CLEC12A: variants seen among roughly 807,000 people sequenced by gnomAD.
CLEC12A encodes the protein C-type lectin protein CLL-1.
In CLEC12A, 22 loss-of-function variants were observed where a neutral mutation model predicts 26.5. The observed-to-expected ratio is 0.83, with a 90% CI of 0.59 to 1.19. The LOEUF (loss-of-function observed/expected upper bound fraction) is 1.19, where lower values mean the gene tolerates loss of function less well. Among genes scored for constraint, CLEC12A ranks in the 50% most tolerant of loss-of-function variants. The pLI is 0.00. For missense variants in CLEC12A, 353 were observed against 315.6 expected, an observed-to-expected ratio of 1.12 and a Z score of -0.90; for synonymous variants, 119 against 101.9, an observed-to-expected ratio of 1.17 and a Z score of -1.01.
At chr12:9,992,301 T>C (rs981386969) in intron 4 of CLEC12A, 1 of 152,152 alleles carries the variant, frequency 6.6e-6, no homozygotes, top group African/African-American at 2.4e-5. Flanking sequence ...GTGAGTTTTC[T>C]TGCAAACTTT....
At chr12:9,995,507 A>G (rs1865021665) in exon 5 of CLEC12A, 3 of 400,186 alleles carry the variant, frequency 7.5e-6, no homozygotes, top group East Asian at 5.8e-5. Flanking sequence ...ATGTATTTAG[A>G]TCTTCAACCA....
intron 1 of CLEC12A, among the ~76,000 whole-genome samples, chr12:9,956,022 T>C (rs1450722201): frequency 6.6e-6 from 1 of 152,206 alleles, no homozygotes; most frequent in African/African-American, 2.4e-5. Flanking sequence ...ATAGTTTCAT[T>C]TCAGGTTCCT....
At chr12:9,954,560 G>A (rs1863711695) in intron 1 of CLEC12A, among the ~76,000 whole-genome samples, 1 of 152,078 alleles carries the variant, frequency 6.6e-6, no homozygotes, top group Non-Finnish European at 1.5e-5. Context: ...ACCTTTATTG[G>A]ATTACCTATC....
Position 9,953,656 on chromosome 12 carries a change from C to T in CLEC12A, c.10+2300C>T, listed in dbSNP as rs1461876508. On this transcript the variant is annotated intron_variant, in intron 1 of 6. Coordinates refer to the CLEC12A transcript ENST00000355690. Reference sequence around the variant, plus strand: ...GAGGGGCGCCTCTGCCCGGCCGCCCCTACTGGGAAGTGAGGAGCCCCTCTG... The same window carrying T: ...GAGGGGCGCCTCTGCCCGGCCGCCCTTACTGGGAAGTGAGGAGCCCCTCTG... Among the ~76,000 whole-genome samples, 6 of 151,622 alleles carry T rather than the reference C, an allele frequency of 4.0e-5. No homozygotes were observed. In the East Asian group the frequency reaches 9.8e-4, roughly 25 times the overall value.
At chr12:9,993,150 A>G (rs375345439) in intron 4 of CLEC12A, 10 of 1,609,490 alleles carry the variant, frequency 6.2e-6, no homozygotes, top group African/African-American at 1.3e-5. Context: ...GCATTAAGGT[A>G]GTTGGTCCAC....
At chr12:9,986,039 G>C (rs1172756978), downstream of CLEC12A, 1 of 373,532 alleles carries the variant, frequency 2.7e-6, no homozygotes, top group Non-Finnish European at 5.6e-6. Flanking sequence ...AGAGGGAAGG[G>C]GGCTTGTATA....
chr12:9,996,606 G>A (rs111731308), downstream of CLEC12A: 5 of 487,320 alleles, frequency 1.0e-5, no homozygotes, highest in Non-Finnish European at 1.8e-5. Context: ...GACCCACTAT[G>A]TACCTGAGCT....
chr12:9,971,432 G>A lies in CLEC12A; in HGVS notation c.-165G>A. 1 of 1,294,092 alleles carries A rather than the reference G, an allele frequency of 7.7e-7. No homozygotes were observed. The highest frequency in any genetic ancestry group is 9.8e-7 in the Non-Finnish European group (1 of 1,020,116). 80.2% of individuals were successfully genotyped at this position (1,294,092 alleles called of 1,614,324 possible). A position where few individuals can be genotyped will look rare whatever the true frequency, so the allele number is the denominator to read the frequency against. On this transcript the variant is annotated 5_prime_UTR_variant, in exon 1 of 6. Coordinates refer to ENST00000304361, the MANE Select transcript of CLEC12A (RefSeq NM_138337.6). ...TTGGCTCATTTGCAGACATATGGGT[G>A]ATTGGTACAGTAGGTTTATAAACAG...
chr12:9,986,060 C>T, downstream of CLEC12A: 1 of 445,622 alleles, frequency 2.2e-6, no homozygotes. Flanking sequence ...GTTTGTGCAG[C>T]AGAGCATTCT....
At chr12:9,994,378 T>C (rs142189213) in intron 4 of CLEC12A, among the ~76,000 whole-genome samples, 1 of 152,306 alleles carries the variant, frequency 6.6e-6, no homozygotes. Flanking sequence ...CCTAAGATCC[T>C]ATCTATAGTA....
exon 5 of CLEC12A, chr12:9,995,445 T>C (rs1865018813): frequency 1.9e-6 from 1 of 535,972 alleles, no homozygotes; most frequent in South Asian, 1.8e-5. Flanking sequence ...AGGACACAGG[T>C]AAAATTGTAC....
intron 5 of CLEC12A, among the ~76,000 whole-genome samples, chr12:9,982,595 T>C (rs971139288): frequency 2.0e-5 from 3 of 152,132 alleles, no homozygotes; most frequent in Non-Finnish European, 4.4e-5. Context: ...AAAACATAAA[T>C]TTTTGCAATG....
intron 1 of CLEC12A, chr12:9,951,623 C>A: frequency 2.1e-6 from 1 of 475,496 alleles, no homozygotes. Context: ...TTGAACTAGC[C>A]CAACAAACAG....
At chr12:9,976,838 C>T (rs73255619) in intron 1 of CLEC12A, among the ~76,000 whole-genome samples, 9,312 of 152,116 alleles carry the variant, frequency 0.061, 952 homozygotes, top group African/African-American at 0.21. Context: ...GGGTGTTTCT[C>T]GTGCTGTTCC....
chr12:9,985,957 C>T (rs1864755773), downstream of CLEC12A: 1 of 179,890 alleles, frequency 5.6e-6, no homozygotes. Flanking sequence ...TTGACCTTGA[C>T]CTAATTTTTT....
upstream of CLEC12A, among the ~76,000 whole-genome samples, chr12:9,969,753 A>C (rs1380442446): frequency 6.6e-6 from 1 of 152,172 alleles, no homozygotes; most frequent in Non-Finnish European, 1.5e-5. Flanking sequence ...TTATATGCAA[A>C]TATTTGATCC....
chr12:9,982,162 TG>T (rs761848763), intron 5 of CLEC12A, 33 bp downstream of exon 5: 114 of 1,186,500 alleles, frequency 9.6e-5, no homozygotes, highest in Non-Finnish European at 1.4e-4. Flanking sequence ...ATTTTATAGC[TG>T]GGTTTGAGTA....
the CLEC12A span, among the ~76,000 whole-genome samples, chr12:10,002,885 A>G: frequency 6.6e-6 from 1 of 152,226 alleles, no homozygotes; most frequent in Non-Finnish European, 1.5e-5. Context: ...AAAGACACTA[A>G]TAACAATGAC....
At chr12:9,980,108 G>A (rs1283627811) in intron 3 of CLEC12A, among the ~76,000 whole-genome samples, 2 of 152,220 alleles carry the variant, frequency 1.3e-5, no homozygotes, top group Non-Finnish European at 2.9e-5. Context: ...TATACAGAAT[G>A]TTTCCAGTAA....
Sources: allele counts gnomAD v4.1 joint callset (sites outside exome capture counted in the v4.1 genomes callset), GRCh38; gene constraint gnomAD v4.1.1; transcripts MANE v1.5; gene names NCBI Gene and HGNC (gene_info 2026-07-23, HGNC 2026-07-21).